Variants in CSMD1 observed in about 807,000 individuals in gnomAD.
CSMD1 encodes CUB and Sushi multiple domains 1.
A neutral mutation model predicts 417.5 loss-of-function variants in CSMD1; 213 were observed. The observed-to-expected ratio is 0.51, with a 90% CI of 0.46 to 0.57. The LOEUF (loss-of-function observed/expected upper bound fraction) is 0.57. CSMD1 is among the 20% of genes least tolerant of loss of function. The probability of loss-of-function intolerance (pLI) is 0.00; values close to 1 mark genes in which losing one functional copy is unlikely to be tolerated. For missense variants in CSMD1, 6,923 were observed against 4,529.7 expected (o/e 1.53, Z -15.17); for synonymous variants, 2,862 against 1,736.8 (o/e 1.65, Z -16.11).
intron 1 of CSMD1, among the ~76,000 whole-genome samples, chr8:4,849,165 G>C (rs987650965): frequency 2.6e-5 from 4 of 151,990 alleles, no homozygotes; most frequent in African/African-American, 9.7e-5. Flanking sequence ...TAACAAAAAC[G>C]TTTTCAAAAA....
intron 23 of CSMD1, among the ~76,000 whole-genome samples, chr8:3,318,358 C>A (rs541956625): frequency 3.6e-4 from 55 of 152,182 alleles, no homozygotes; most frequent in African/African-American, 1.2e-3. Flanking sequence ...TCTGGCCTAC[C>A]GCATTGATTC....
At chr8:4,853,029 G>A (rs1478890288) in intron 1 of CSMD1, among the ~76,000 whole-genome samples, 3 of 152,086 alleles carry the variant, frequency 2.0e-5, no homozygotes, top group African/African-American at 7.2e-5. Context: ...ACTTAAAGTT[G>A]GTACTTATAT....
intron 3 of CSMD1, among the ~76,000 whole-genome samples, chr8:4,102,418 C>G (rs976802351): frequency 1.6e-4 from 25 of 152,116 alleles, no homozygotes; most frequent in Non-Finnish European, 2.9e-5. Flanking sequence ...AATATTCTCC[C>G]TGATTCTGTC....
At chr8:3,619,839 T>G (rs1278471133) in intron 7 of CSMD1, among the ~76,000 whole-genome samples, 1 of 152,192 alleles carries the variant, frequency 6.6e-6, no homozygotes, top group African/African-American at 2.4e-5. Context: ...CAATAGAATT[T>G]GTATTTAATT....
chr8:3,447,170 A>G (rs1815357099), intron 12 of CSMD1, among the ~76,000 whole-genome samples: 1 of 152,266 alleles, frequency 6.6e-6, no homozygotes, highest in South Asian at 2.1e-4. Context: ...TGATGAAAAG[A>G]TGAAAAGAAC....
chr8:4,559,035 C>T (rs1022014072), intron 2 of CSMD1, among the ~76,000 whole-genome samples: 1 of 152,188 alleles, frequency 6.6e-6, no homozygotes, highest in Non-Finnish European at 1.5e-5. Flanking sequence ...TTTGCAAAGT[C>T]CCCCTTTGGA....
At chr8:3,073,294 ATT>A (rs1446143731) in intron 49 of CSMD1, among the ~76,000 whole-genome samples, 1 of 152,210 alleles carries the variant, frequency 6.6e-6, no homozygotes, top group African/African-American at 2.4e-5. Context: ...CTACCAGATG[ATT>A]TAACATAGAA....
intron 3 of CSMD1, among the ~76,000 whole-genome samples, chr8:4,111,037 A>C (rs1279669939): frequency 6.6e-6 from 1 of 152,158 alleles, no homozygotes; most frequent in Non-Finnish European, 1.5e-5. Context: ...TGCGAAAGGA[A>C]ATAACTTAAT....
At chr8:3,708,948 T>G (rs987564253) in intron 6 of CSMD1, among the ~76,000 whole-genome samples, 1 of 152,094 alleles carries the variant, frequency 6.6e-6, no homozygotes, top group Admixed American at 6.6e-5. Context: ...ACTCACAGTT[T>G]AGCGAATCTG....
Position 3,343,278 on chromosome 8 carries a change from G to C in CSMD1, c.3631+16C>G. The C allele has an allele frequency of 1.2e-6, 2 of 1,607,650 alleles. No individual in the cohort carries two copies. Among genetic ancestry groups the C allele is most frequent in the South Asian group, 1.1e-5 (1 of 90,728 alleles). On this transcript the variant is annotated intron_variant, in intron 23 of 69. Coordinates refer to ENST00000635120, the MANE Select transcript of CSMD1 (RefSeq NM_033225.6). The stretch of plus-strand genomic sequence containing the variant: ...CAAAATGAAAAAAGAACGTGATTAA[G>C]TCGTATGTTACTTACTGGTATAGGT...
At chr8:4,271,347 A>AGT (rs1804582671) in intron 3 of CSMD1, among the ~76,000 whole-genome samples, 1 of 152,204 alleles carries the variant, frequency 6.6e-6, no homozygotes, top group Non-Finnish European at 1.5e-5. Flanking sequence ...AAACACTGGC[A>AGT]GTGCTTGGAA....
At chr8:3,182,756 T>C (rs1337298357) in intron 36 of CSMD1, among the ~76,000 whole-genome samples, 1 of 141,104 alleles carries the variant, frequency 7.1e-6, no homozygotes, top group Admixed American at 6.9e-5. Flanking sequence ...GCTCTGTGTG[T>C]GTGTGTGTGT....
chr8:3,092,906 G>C (rs1815045840), intron 47 of CSMD1, among the ~76,000 whole-genome samples: 2 of 71,874 alleles, frequency 2.8e-5, no homozygotes, highest in Non-Finnish European at 7.0e-5. Flanking sequence ...AGCTCTCATT[G>C]TTGTTCATAA....
chr8:4,689,452 A>G (rs905063073), intron 1 of CSMD1, among the ~76,000 whole-genome samples: 1 of 152,194 alleles, frequency 6.6e-6, no homozygotes, highest in Non-Finnish European at 1.5e-5. Context: ...ATGCATTTAT[A>G]TTAGAAGGAT....
chr8:3,463,447 A>G (rs1445043774), intron 12 of CSMD1, among the ~76,000 whole-genome samples: 1 of 152,220 alleles, frequency 6.6e-6, no homozygotes, highest in African/African-American at 2.4e-5. Context: ...CATTCCCACA[A>G]CATGTAAACA....
At chr8:3,531,244 A>G (rs1797967816) in intron 10 of CSMD1, among the ~76,000 whole-genome samples, 2 of 152,014 alleles carry the variant, frequency 1.3e-5, no homozygotes, top group African/African-American at 4.8e-5. Flanking sequence ...GGTCCCTCCC[A>G]TTTCCTCTGG....
intron 5 of CSMD1, among the ~76,000 whole-genome samples, chr8:3,945,289 TA>T (rs146571129): frequency 0.013 from 1,998 of 151,652 alleles, 40 homozygotes; most frequent in African/African-American, 0.046. Context: ...TAAATTGAAA[TA>T]ATCACTAGTT....
At chr8:3,302,508 C>T (rs1804497444) in intron 25 of CSMD1, among the ~76,000 whole-genome samples, 1 of 152,184 alleles carries the variant, frequency 6.6e-6, no homozygotes, top group Non-Finnish European at 1.5e-5. Context: ...CTTCTCATTT[C>T]TTCCCTGCAT....
chr8:3,950,705 T>C (rs1367306741), intron 5 of CSMD1, among the ~76,000 whole-genome samples: 1 of 151,764 alleles, frequency 6.6e-6, no homozygotes, highest in Non-Finnish European at 1.5e-5. Context: ...GAGCACAGGA[T>C]AAAACTTCTT....
Sources: gnomAD v4.1 joint callset for allele counts (sites outside exome capture counted in the v4.1 genomes callset) on GRCh38, gnomAD v4.1.1 for gene constraint, MANE v1.5 for transcripts, NCBI Gene and HGNC (gene_info 2026-07-23, HGNC 2026-07-21) for gene names.